IL1RAPL2: variants seen among roughly 807,000 people sequenced by gnomAD.
The protein encoded by IL1RAPL2 is interleukin 1 receptor accessory protein like 2.
Under a neutral mutation model 44.1 loss-of-function variants are expected in IL1RAPL2, and 3 were observed. The observed-to-expected ratio is 0.07, with a 90% CI of 0.03 to 0.18. The LOEUF (loss-of-function observed/expected upper bound fraction) is 0.18, where lower values mean the gene tolerates loss of function less well. Among genes scored for constraint, IL1RAPL2 ranks in the 10% least tolerant of loss-of-function variants. IL1RAPL2 has a pLI of 1.00. For synonymous variants in IL1RAPL2, 181 were observed against 178.8 expected (o/e 1.01, Z -0.10); for missense variants, 391 against 496.4 (o/e 0.79, Z 2.02).
At chrX:105,171,444 G>A (rs1229609773) in intron 2 of IL1RAPL2, among the ~76,000 whole-genome samples, 2 of 110,623 alleles carry the variant, frequency 1.8e-5, no homozygotes, top group African/African-American at 6.6e-5. Flanking sequence ...CAGGTCCCCC[G>A]TTCAAGGCCA....
intron 2 of IL1RAPL2, among the ~76,000 whole-genome samples, chrX:104,764,866 T>G (rs1462769551): frequency 8.9e-6 from 1 of 112,519 alleles, no homozygotes; most frequent in Admixed American, 9.4e-5. Context: ...TTCATTCATT[T>G]GCATATGTTG....
At chrX:105,733,949 G>T (rs1412088912) in intron 7 of IL1RAPL2, among the ~76,000 whole-genome samples, 1 of 111,480 alleles carries the variant, frequency 9.0e-6, no homozygotes, top group Non-Finnish European at 1.9e-5. Flanking sequence ...AGTAACTGAA[G>T]TAAATAGGCT....
At chrX:104,598,406 C>T (rs770843206) in intron 1 of IL1RAPL2, among the ~76,000 whole-genome samples, 21 of 112,117 alleles carry the variant, frequency 1.9e-4, no homozygotes, top group Non-Finnish European at 3.6e-4. Flanking sequence ...ACCGGCTAGT[C>T]GCAGCCATCT....
Position 104,892,355 on chromosome X carries a change from AT to A in IL1RAPL2, c.82+233363del, listed in dbSNP as rs762345699. Among the ~76,000 whole-genome samples the A allele has an allele frequency of 5.8e-3, 644 of 111,900 alleles. 4 individuals are homozygous for A. The highest frequency in any genetic ancestry group is 0.019 in the Middle Eastern group (4 of 214). ...CCCTCTTTTTCTATTGATTGGAATC[AT>A]TTCAGAAGGAATGGTACCAGCTCCT... On this transcript the variant is annotated intron_variant, in intron 2 of 10. Transcript: ENST00000372582.
At chrX:104,945,499 G>A (rs1334489960) in intron 2 of IL1RAPL2, among the ~76,000 whole-genome samples, 1 of 111,138 alleles carries the variant, frequency 9.0e-6, no homozygotes, top group Non-Finnish European at 1.9e-5. Context: ...TTGCCCAACA[G>A]GTTTAGCAAT....
intron 2 of IL1RAPL2, among the ~76,000 whole-genome samples, chrX:104,948,067 T>A (rs1215868841): frequency 9.1e-6 from 1 of 109,786 alleles, no homozygotes. Flanking sequence ...TATTCTTCCA[T>A]TTGTTTGTAT....
intron 5 of IL1RAPL2, among the ~76,000 whole-genome samples, chrX:105,387,269 C>G (rs111843308): frequency 1.0e-5 from 1 of 95,622 alleles, no homozygotes; most frequent in East Asian, 3.3e-4. Context: ...GAGTCTTACT[C>G]TGTTGCCTAG....
intron 2 of IL1RAPL2, among the ~76,000 whole-genome samples, chrX:105,186,211 A>C (rs1556133808): frequency 9.0e-6 from 1 of 111,002 alleles, no homozygotes; most frequent in Non-Finnish European, 1.9e-5. Context: ...CTGACTATAA[A>C]CCTGAATTCA....
chrX:105,075,271 A>C (rs2032276492), intron 2 of IL1RAPL2, among the ~76,000 whole-genome samples: 1 of 111,777 alleles, frequency 8.9e-6, no homozygotes, highest in Non-Finnish European at 1.9e-5. Context: ...AATTTTGTCA[A>C]AGGCCTTTTC....
In IL1RAPL2 at chrX:104,598,673, T is replaced by C. The variant is rs755459351; in HGVS notation, c.-20+31622T>C. Among the ~76,000 whole-genome samples the C allele has an allele frequency of 2.0e-4, 22 of 112,447 alleles. No individual in the cohort carries two copies. In the East Asian group the frequency reaches 5.9e-3, roughly 30 times the overall value. ...TTCTCTCTAACAGCCATTGTTCCTT[T>C]GACCTTTCTCTTTTTGTGATAAAAT... On this transcript the variant is annotated intron_variant, in intron 1 of 10. Transcript: ENST00000372582.
rs1057267013 is a variant in IL1RAPL2 at position 105,211,274 on chromosome X, T to G, written c.356+15526T>G. The stretch of plus-strand genomic sequence containing the variant: ...CAGTGGCAGGAGTTCTCTGTTCAAA[T>G]CTGACTGTCCCTGGTTCTGCTCACT... On this transcript the variant is annotated intron_variant, in intron 3 of 10. Coordinates refer to ENST00000372582, the MANE Select transcript of IL1RAPL2 (RefSeq NM_017416.2). 2.1e-4 allele frequency among the ~76,000 whole-genome samples: 23 copies of G among 111,279 alleles called. No homozygotes were observed. The Admixed American group carries it at 2.1e-3, about 10-fold the overall frequency.
intron 2 of IL1RAPL2, among the ~76,000 whole-genome samples, chrX:105,158,531 AT>A (rs1234872622): frequency 9.0e-6 from 1 of 111,573 alleles, no homozygotes; most frequent in African/African-American, 3.3e-5. Flanking sequence ...AACCTGAGTT[AT>A]TTTTTATTTC....
chrX:105,075,320 T>C (rs1209565188), intron 2 of IL1RAPL2, among the ~76,000 whole-genome samples: 23 of 112,115 alleles, frequency 2.1e-4, no homozygotes, highest in Non-Finnish European at 3.6e-4. Context: ...TTGTCTTTGG[T>C]TCTGTTTATA....
At chrX:105,509,914 G>A (rs779966126) in intron 6 of IL1RAPL2, among the ~76,000 whole-genome samples, 3 of 111,625 alleles carry the variant, frequency 2.7e-5, no homozygotes. Flanking sequence ...GTTCATGCCT[G>A]TAATCCTAGC....
chrX:105,742,863 CT>C (rs1346109469), intron 8 of IL1RAPL2, among the ~76,000 whole-genome samples: 1 of 111,621 alleles, frequency 9.0e-6, no homozygotes, highest in East Asian at 2.8e-4. Flanking sequence ...TTCCTAATTT[CT>C]CCTGCCTACA....
intron 2 of IL1RAPL2, among the ~76,000 whole-genome samples, chrX:104,983,646 A>G (rs1338405860): frequency 1.0e-5 from 1 of 98,783 alleles, no homozygotes; most frequent in Non-Finnish European, 2.0e-5. Context: ...TTATACATAT[A>G]ATATTATGTA....
At chrX:105,739,798 G>T (rs1171593522) in intron 7 of IL1RAPL2, among the ~76,000 whole-genome samples, 1 of 97,932 alleles carries the variant, frequency 1.0e-5, no homozygotes, top group African/African-American at 3.8e-5. Context: ...GAATAATGCT[G>T]CAGTAAACAT....
At chrX:105,678,208 T>A (rs989484885) in intron 6 of IL1RAPL2, among the ~76,000 whole-genome samples, 1 of 112,299 alleles carries the variant, frequency 8.9e-6, no homozygotes, top group African/African-American at 3.2e-5. Context: ...ATAAACTTTT[T>A]AAAAAAATCT....
chrX:105,416,533 G>A (rs2035734463), intron 5 of IL1RAPL2, among the ~76,000 whole-genome samples: 2 of 112,139 alleles, frequency 1.8e-5, no homozygotes, highest in South Asian at 7.3e-4. Context: ...GAATTGTTAT[G>A]AAAATGAAAA....
Sources: gnomAD v4.1 joint callset for allele counts (sites outside exome capture counted in the v4.1 genomes callset) on GRCh38, gnomAD v4.1.1 for gene constraint, MANE v1.5 for transcripts, NCBI Gene and HGNC (gene_info 2026-07-23, HGNC 2026-07-21) for gene names.